The following MS4A8 variants were observed in gnomAD, a reference collection of about 807,000 sequenced individuals.
The protein encoded by MS4A8 is membrane-spanning 4-domains subfamily A member 8.
Under a neutral mutation model 23.7 loss-of-function variants are expected in MS4A8, and 27 were observed. The ratio of observed to expected loss-of-function variants is 1.14; its 90% CI spans 0.84 to 1.57. The LOEUF (loss-of-function observed/expected upper bound fraction) is 1.57. Among genes scored for constraint, MS4A8 ranks in the 40% most tolerant of loss-of-function variants. The pLI, the probability that MS4A8 is intolerant of heterozygous loss-of-function variation, is 0.00. For synonymous variants in MS4A8, 138 were observed against 126.3 expected, an observed-to-expected ratio of 1.09 and a Z score of -0.62; for missense variants, 301 against 311.4, an observed-to-expected ratio of 0.97 and a Z score of 0.25.
Position 60,700,983 on chromosome 11 carries a change from G to T in MS4A8, c.123G>T (p.Pro41=), listed in dbSNP as rs148869742. 5 of 1,614,072 alleles carry T rather than the reference G, an allele frequency of 3.1e-6. No homozygotes were observed. In the African/African-American group the frequency reaches 6.7e-5, roughly 22 times the overall value. The change falls in exon 2 of 7, where the codon CCG becomes CCT. Residue 41 remains proline, a synonymous_variant. Coordinates refer to ENST00000300226, the MANE Select transcript of MS4A8 (RefSeq NM_031457.2). The part of the protein sequence containing the change: ...SHVPLYPNSQ[P]QVHLVPGNPP... Reference sequence around the variant, plus strand: ...TGCCCCTGTATCCAAACAGCCAGCCGCAAGTCCACCTAGTTCCTGGGAACC... The same window carrying T: ...TGCCCCTGTATCCAAACAGCCAGCCTCAAGTCCACCTAGTTCCTGGGAACC...
chr11:60,700,489 T>G (rs1332052826), intron 1 of MS4A8, among the ~76,000 whole-genome samples: 1 of 152,026 alleles, frequency 6.6e-6, no homozygotes, highest in Non-Finnish European at 1.5e-5. Context: ...GAGGTTGCAG[T>G]GAGCCAAGAT....
At chr11:60,707,597 A>G (rs1400534509) in intron 4 of MS4A8, among the ~76,000 whole-genome samples, 1 of 152,204 alleles carries the variant, frequency 6.6e-6, no homozygotes, top group African/African-American at 2.4e-5. Flanking sequence ...ACGAAGGGTA[A>G]AGGGTGACCA....
intron 5 of MS4A8, chr11:60,709,058 C>T (rs1565053022): frequency 2.7e-6 from 1 of 370,282 alleles, no homozygotes; most frequent in Admixed American, 4.1e-5. Context: ...TGCCCACCAA[C>T]CAGCACCTCT....
chr11:60,711,768 A>G, intron 5 of MS4A8: 1 of 455,790 alleles, frequency 2.2e-6, no homozygotes, highest in Non-Finnish European at 4.4e-6. Flanking sequence ...CAGCACAGCC[A>G]GGTGCCCTGG....
chr11:60,703,273 T>C, intron 2 of MS4A8, 105 bp from the exon 3 acceptor site: 3 of 1,309,146 alleles, frequency 2.3e-6, no homozygotes, highest in Non-Finnish European at 3.0e-6. Flanking sequence ...CATATTACTT[T>C]TTAGACCATG....
intron 5 of MS4A8, among the ~76,000 whole-genome samples, chr11:60,714,155 A>G (rs1270327641): frequency 1.4e-5 from 2 of 145,210 alleles, no homozygotes; most frequent in Non-Finnish European, 3.0e-5. Context: ...CGATCTCCTG[A>G]CCTCATGATC....
chr11:60,701,509 C>T, intron 2 of MS4A8: 1 of 356,520 alleles, frequency 2.8e-6, no homozygotes. Flanking sequence ...TCACCGCAAC[C>T]CCTGAGAGGC....
rs1307039690 is a variant in MS4A8, at chr11:60,715,493, G to A, written c.*79G>A. 40 of 1,125,682 alleles carry A rather than the reference G, an allele frequency of 3.6e-5. No individual in the cohort carries two copies. The highest frequency in any genetic ancestry group is 5.9e-5 in the Admixed American group (3 of 50,786). The allele number at this position is 1,125,682 out of a possible 1,614,324, so 69.7% of individuals were successfully genotyped here. A position where few individuals can be genotyped will look rare whatever the true frequency, so the allele number is the denominator to read the frequency against. On this transcript the variant is annotated 3_prime_UTR_variant, in exon 7 of 7. Coordinates refer to ENST00000300226, the MANE Select transcript of MS4A8 (RefSeq NM_031457.2). ...TTTCTGGGCTTCCATAACCCAGGTC[G>A]TTCCTGTTCTGACAGCTGAGGAAAC...
At chr11:60,711,115 G>C (rs147417565) in intron 5 of MS4A8, among the ~76,000 whole-genome samples, 1 of 152,176 alleles carries the variant, frequency 6.6e-6, no homozygotes, top group African/African-American at 2.4e-5. Flanking sequence ...CTTACTGCCT[G>C]TCCCTAGAAT....
intron 5 of MS4A8, among the ~76,000 whole-genome samples, chr11:60,713,562 T>A (rs2134662957): frequency 6.6e-6 from 1 of 152,208 alleles, no homozygotes; most frequent in East Asian, 1.9e-4. Context: ...CCTAAGGCAG[T>A]TTTCCCCTAT....
chr11:60,707,611 C>G (rs1019079159), intron 4 of MS4A8, among the ~76,000 whole-genome samples: 1 of 152,076 alleles, frequency 6.6e-6, no homozygotes, highest in African/African-American at 2.4e-5. Context: ...GTGACCAGGT[C>G]CCTACAACCA....
At chr11:60,714,214 G>A (rs897612133) in intron 5 of MS4A8, among the ~76,000 whole-genome samples, 1 of 141,634 alleles carries the variant, frequency 7.1e-6, no homozygotes, top group East Asian at 1.9e-4. Context: ...GTGAGCCACC[G>A]CGCCCGGCCG....
chr11:60,714,489 A>G (rs1002780581), intron 5 of MS4A8, among the ~76,000 whole-genome samples: 1 of 152,138 alleles, frequency 6.6e-6, no homozygotes, highest in Admixed American at 6.5e-5. Flanking sequence ...ATTCAGAGGG[A>G]TGGTGGAGGT....
At chr11:60,706,578 A>C (rs2088257883) in intron 3 of MS4A8, among the ~76,000 whole-genome samples, 1 of 152,222 alleles carries the variant, frequency 6.6e-6, no homozygotes, top group Non-Finnish European at 1.5e-5. Flanking sequence ...TACTTGTGGG[A>C]AAATAAAATA....
At chr11:60,711,292 G>T (rs1355081620) in intron 5 of MS4A8, among the ~76,000 whole-genome samples, 1 of 152,182 alleles carries the variant, frequency 6.6e-6, no homozygotes, top group African/African-American at 2.4e-5. Flanking sequence ...ATTAACTGTT[G>T]TTTGTATTTG....
At chr11:60,714,869 C>A in intron 5 of MS4A8, 152 bp from the exon 6 acceptor site, 1 of 634,254 alleles carries the variant, frequency 1.6e-6, no homozygotes, top group Non-Finnish European at 2.9e-6. Flanking sequence ...TTGATACTTA[C>A]AAAAACCCGG....
Position 60,715,711 on chromosome 11 carries a change from G to C in MS4A8, c.*297G>C, listed in dbSNP as rs2088338415. On this transcript the variant is annotated 3_prime_UTR_variant, in exon 7 of 7. Coordinates refer to ENST00000300226, the MANE Select transcript of MS4A8 (RefSeq NM_031457.2). ...TGGCACACACACATTCGTGTGCTCT[G>C]CTGCATGTGAGCTTGTGGGTTAGAG... The C allele has an allele frequency of 2.6e-6, 1 of 384,898 alleles. No individual in the cohort carries two copies. The highest frequency in any genetic ancestry group is 5.4e-5 in the East Asian group (1 of 18,426). 23.8% of individuals were successfully genotyped at this position (384,898 alleles called of 1,614,324 possible).
chr11:60,706,208 TG>T (rs2088254546), intron 3 of MS4A8, among the ~76,000 whole-genome samples: 1 of 152,224 alleles, frequency 6.6e-6, no homozygotes, highest in Non-Finnish European at 1.5e-5. Context: ...TTTTCTATAG[TG>T]CCCCACAAAT....
intron 3 of MS4A8, among the ~76,000 whole-genome samples, chr11:60,706,649 G>A (rs2088258538): frequency 6.6e-6 from 1 of 152,204 alleles, no homozygotes; most frequent in African/African-American, 2.4e-5. Flanking sequence ...AATGCCAGAT[G>A]TAGGGCATAA....
Sources: gnomAD v4.1 joint callset for allele counts (sites outside exome capture counted in the v4.1 genomes callset) on GRCh38, gnomAD v4.1.1 for gene constraint, MANE v1.5 for transcripts, NCBI Gene and HGNC (gene_info 2026-07-23, HGNC 2026-07-21) for gene names.